ADGRL3: variants seen among roughly 807,000 people sequenced by gnomAD.
ADGRL3 encodes the protein adhesion G protein-coupled receptor L3, also known as calcium-independent alpha-latrotoxin receptor 3.
A neutral mutation model predicts 153.5 loss-of-function variants in ADGRL3; 62 were observed. The ratio of observed to expected loss-of-function variants is 0.40; its 90% confidence interval spans 0.33 to 0.50. The LOEUF (loss-of-function observed/expected upper bound fraction) is 0.50, where lower values mean the gene tolerates loss of function less well. Ranked by LOEUF, ADGRL3 falls within the 20% of genes least tolerant of loss-of-function variation. The pLI, the probability that ADGRL3 is intolerant of heterozygous loss-of-function variation, is 0.47. For missense variants in ADGRL3, 1,641 were observed against 1,859.4 expected (o/e 0.88, Z 2.16); for synonymous variants, 710 against 672.5 (o/e 1.06, Z -0.86).
intron 1 of ADGRL3, among the ~76,000 whole-genome samples, chr4:61,326,188 T>A (rs920190647): frequency 6.6e-6 from 1 of 152,146 alleles, no homozygotes; most frequent in Non-Finnish European, 1.5e-5. Flanking sequence ...GTATACATGC[T>A]TTCAATAAGC....
intron 1 of ADGRL3, among the ~76,000 whole-genome samples, chr4:61,214,306 C>G (rs1177650879): frequency 6.6e-6 from 1 of 152,130 alleles, no homozygotes; most frequent in African/African-American, 2.4e-5. Flanking sequence ...CACCATGTGT[C>G]TAATATTTCC....
intron 1 of ADGRL3, among the ~76,000 whole-genome samples, chr4:61,211,351 G>A (rs1334505062): frequency 6.6e-6 from 1 of 152,102 alleles, no homozygotes; most frequent in Non-Finnish European, 1.5e-5. Flanking sequence ...CTGACTGCTG[G>A]ATTCATTCCC....
rs59504485 is a variant in ADGRL3, at chr4:61,629,721, C to CAAAAAA, written c.473+42321_473+42326dup. 1.8e-4 allele frequency among the ~76,000 whole-genome samples: 6 copies of CAAAAAA among 33,446 alleles called. 1 individual carries two copies. The highest frequency in any genetic ancestry group is 6.5e-4 in the African/African-American group (5 of 7,648). 21.9% of individuals were successfully genotyped at this position (33,446 alleles called of 152,430 possible). A position where few individuals can be genotyped will look rare whatever the true frequency, so the allele number is the denominator to read the frequency against. ...GACAATGCAAGACTCCGTCTCGGGG[C>CAAAAAA]AAAAAAAAAAAAAAAAAAAAAAAAA... On this transcript the variant is annotated intron_variant, in intron 5 of 26. Transcript: ENST00000683033.
rs78763303 is a variant in ADGRL3 at position 61,556,648 on chromosome 4, A to C, written c.260-30579A>C. The stretch of plus-strand genomic sequence containing the variant: ...CAAATACCTACTAAAGCTGGACTCA[A>C]CAAACACAGATGCTTTGCTTACTGG... On this transcript the variant is annotated intron_variant, in intron 4 of 26. Transcript: ENST00000683033. 1.2e-4 allele frequency among the ~76,000 whole-genome samples: 18 copies of C among 152,342 alleles called. No homozygotes were observed. In the East Asian group the frequency reaches 2.9e-3, roughly 24 times the overall value.
chr4:61,856,088 C>T (rs778810450), intron 9 of ADGRL3, among the ~76,000 whole-genome samples: 1 of 152,044 alleles, frequency 6.6e-6, no homozygotes, highest in Non-Finnish European at 1.5e-5. Flanking sequence ...AAGGAACTGG[C>T]CAAGGACAGT....
intron 25 of ADGRL3, among the ~76,000 whole-genome samples, chr4:62,059,821 C>A (rs1739093292): frequency 3.9e-5 from 6 of 152,096 alleles, no homozygotes; most frequent in Admixed American, 3.9e-4. Flanking sequence ...TCCAGCTTTG[C>A]AGAAATGACG....
intron 1 of ADGRL3, among the ~76,000 whole-genome samples, chr4:61,347,382 C>T (rs72614737): frequency 1.3e-5 from 2 of 151,554 alleles, no homozygotes; most frequent in Non-Finnish European, 2.9e-5. Flanking sequence ...AGGTATCATT[C>T]GATGCATTAT....
rs916060092 is a variant in ADGRL3, at chr4:61,812,525, T to C, written c.1400-1284T>C. 3.9e-5 allele frequency among the ~76,000 whole-genome samples: 6 copies of C among 152,206 alleles called. No homozygotes were observed. The South Asian group carries it at 6.2e-4, about 16-fold the overall frequency. ...AGATTAACAACCCTGTAAATTGCTA[T>C]AGTAAATGTGTGAAATATATAACTG... is the stretch of plus-strand genomic sequence containing the variant. On this transcript the variant is annotated intron_variant, in intron 8 of 26. Coordinates refer to ENST00000683033, the MANE Select transcript of ADGRL3 (RefSeq NM_001387552.1).
At chr4:61,269,293 T>C (rs1010825938) in intron 1 of ADGRL3, among the ~76,000 whole-genome samples, 3 of 151,628 alleles carry the variant, frequency 2.0e-5, no homozygotes, top group African/African-American at 7.2e-5. Flanking sequence ...TTCTCCTTCT[T>C]CCTTTTCTCT....
At chr4:61,247,460 A>G (rs980508658) in intron 1 of ADGRL3, among the ~76,000 whole-genome samples, 2 of 152,054 alleles carry the variant, frequency 1.3e-5, no homozygotes, top group Non-Finnish European at 2.9e-5. Flanking sequence ...TCTTGGATAA[A>G]ATCATTATCT....
chr4:61,618,420 A>G (rs189420582), intron 5 of ADGRL3, among the ~76,000 whole-genome samples: 27 of 152,348 alleles, frequency 1.8e-4, no homozygotes, highest in African/African-American at 6.3e-4. Flanking sequence ...ACTTAGAGTC[A>G]TAACAAATTT....
At chr4:61,267,306 T>C (rs966866592) in intron 1 of ADGRL3, among the ~76,000 whole-genome samples, 3 of 151,764 alleles carry the variant, frequency 2.0e-5, no homozygotes, top group Non-Finnish European at 4.4e-5. Context: ...AATAAAAGTC[T>C]CTGCTCCCTC....
chr4:61,800,344 C>T (rs1217003904), intron 8 of ADGRL3, among the ~76,000 whole-genome samples: 23 of 152,102 alleles, frequency 1.5e-4, no homozygotes, highest in Admixed American at 1.5e-3. Context: ...CCTGAGTTAT[C>T]ATCACGAAAT....
intron 1 of ADGRL3, among the ~76,000 whole-genome samples, chr4:61,254,710 T>C (rs1228603758): frequency 6.6e-6 from 1 of 152,192 alleles, no homozygotes; most frequent in Non-Finnish European, 1.5e-5. Flanking sequence ...TTACCATGCT[T>C]ATTAAGTTCC....
intron 21 of ADGRL3, among the ~76,000 whole-genome samples, chr4:62,013,997 T>C (rs575656778): frequency 2.9e-4 from 44 of 151,930 alleles, no homozygotes; most frequent in Admixed American, 6.6e-4. Flanking sequence ...GGAGAGGGGA[T>C]ATAAGAAAGT....
chr4:61,526,914 A>G (rs1240055529), intron 4 of ADGRL3, among the ~76,000 whole-genome samples: 1 of 152,202 alleles, frequency 6.6e-6, no homozygotes, highest in Non-Finnish European at 1.5e-5. Flanking sequence ...TCTATAGCAA[A>G]AACAAAGTGA....
intron 4 of ADGRL3, among the ~76,000 whole-genome samples, chr4:61,529,115 T>C (rs2098596339): frequency 6.6e-6 from 1 of 152,166 alleles, no homozygotes; most frequent in Non-Finnish European, 1.5e-5. Context: ...TTATGGTCTT[T>C]TCATGTTTTT....
chr4:61,463,295 TCA>T (rs2097845100), intron 2 of ADGRL3, among the ~76,000 whole-genome samples: 1 of 152,200 alleles, frequency 6.6e-6, no homozygotes, highest in African/African-American at 2.4e-5. Flanking sequence ...TTTAGTTGAC[TCA>T]CAGTTCCACA....
intron 9 of ADGRL3, among the ~76,000 whole-genome samples, chr4:61,876,924 A>G (rs982329075): frequency 6.4e-4 from 96 of 150,062 alleles, no homozygotes; most frequent in Non-Finnish European, 1.1e-3. Flanking sequence ...AAAAAAAAAA[A>G]AAAGAAAGAA....
Sources: gnomAD v4.1 joint callset for allele counts (sites outside exome capture counted in the v4.1 genomes callset) on GRCh38, gnomAD v4.1.1 for gene constraint, MANE v1.5 for transcripts, NCBI Gene and HGNC (gene_info 2026-07-23, HGNC 2026-07-21) for gene names.